The following PDE8B variants were observed in gnomAD, a reference collection of about 807,000 sequenced individuals.
PDE8B encodes phosphodiesterase 8B.
A neutral mutation model predicts 101.3 loss-of-function variants in PDE8B; 26 were observed. The ratio of observed to expected loss-of-function variants is 0.26; its 90% CI spans 0.19 to 0.36. The LOEUF is 0.36. PDE8B is among the 10% of genes least tolerant of loss of function. The pLI, the probability that PDE8B is intolerant of heterozygous loss-of-function variation, is 1.00. For missense variants in PDE8B, 810 were observed against 1,163.1 expected (o/e 0.70, Z 4.42); for synonymous variants, 424 against 429.3 (o/e 0.99, Z 0.15).
intron 18 of PDE8B, 101 bp downstream of exon 18, chr5:77,418,547 C>A: frequency 1.2e-6 from 1 of 818,664 alleles, no homozygotes; most frequent in South Asian, 1.4e-5. Context: ...ATTAGCTGTC[C>A]CACTGTACCA....
the PDE8B span, among the ~76,000 whole-genome samples, chr5:77,098,915 A>G: frequency 2.6e-5 from 4 of 152,224 alleles, no homozygotes; most frequent in Non-Finnish European, 5.9e-5. Flanking sequence ...ACCCACTCCC[A>G]CAATTAATCC....
chr5:77,265,921 G>C (rs1459679893), intron 1 of PDE8B, among the ~76,000 whole-genome samples: 1 of 152,134 alleles, frequency 6.6e-6, no homozygotes, highest in African/African-American at 2.4e-5. Context: ...ATCTTTTCTA[G>C]TGAGCAGGTG....
intron 5 of PDE8B, among the ~76,000 whole-genome samples, chr5:77,332,370 T>C (rs767685155): frequency 9.2e-5 from 14 of 152,198 alleles, no homozygotes; most frequent in Non-Finnish European, 1.9e-4. Context: ...CTTTTGCTGA[T>C]AATCTAAACG....
chr5:77,149,463 C>A, the PDE8B span, among the ~76,000 whole-genome samples: 1 of 152,102 alleles, frequency 6.6e-6, no homozygotes, highest in Non-Finnish European at 1.5e-5. Flanking sequence ...GGGGAATTGC[C>A]ATCTTGACAA....
chr5:77,348,806 C>A (rs35350477), intron 7 of PDE8B, among the ~76,000 whole-genome samples: 30,350 of 152,102 alleles, frequency 0.2, 3,497 homozygotes, highest in Middle Eastern at 0.33. Context: ...CCTCAGCCTC[C>A]TGAATAGCAG....
At chr5:77,102,961 G>T in the PDE8B span, among the ~76,000 whole-genome samples, 1 of 152,216 alleles carries the variant, frequency 6.6e-6, no homozygotes, top group Non-Finnish European at 1.5e-5. Context: ...AGCTTTCCAT[G>T]TGAAGAGGAG....
chr5:77,233,908 C>T (rs867528982), intron 1 of PDE8B, among the ~76,000 whole-genome samples: 2 of 151,500 alleles, frequency 1.3e-5, no homozygotes. Flanking sequence ...CTGGTGTTTA[C>T]GGCCCAAATC....
chr5:77,091,727 T>C, the PDE8B span, among the ~76,000 whole-genome samples: 1 of 152,230 alleles, frequency 6.6e-6, no homozygotes, highest in African/African-American at 2.4e-5. Context: ...CTAATTCATG[T>C]TTCAATATTT....
the PDE8B span, chr5:77,142,285 G>T: frequency 6.6e-6 from 1 of 152,084 alleles, no homozygotes; most frequent in African/African-American, 2.4e-5. Context: ...TTGCATATTG[G>T]TTGCATTTCT....
At chr5:77,176,267 G>T in the PDE8B span, among the ~76,000 whole-genome samples, 1 of 152,096 alleles carries the variant, frequency 6.6e-6, no homozygotes, top group African/African-American at 2.4e-5. Context: ...GGTGAAGTTG[G>T]TTTTGTTGCC....
chr5:77,403,339 C>G (rs1406263691), intron 11 of PDE8B, among the ~76,000 whole-genome samples: 1 of 152,126 alleles, frequency 6.6e-6, no homozygotes, highest in Non-Finnish European at 1.5e-5. Flanking sequence ...TTGGGGGAAT[C>G]TAAAACTGTT....
chr5:77,107,461 G>C, the PDE8B span, among the ~76,000 whole-genome samples: 1 of 152,088 alleles, frequency 6.6e-6, no homozygotes, highest in East Asian at 1.9e-4. Flanking sequence ...AATGTTATGT[G>C]TGAAAAAGAT....
chr5:77,282,932 G>A (rs1229785951), intron 1 of PDE8B, among the ~76,000 whole-genome samples: 1 of 151,940 alleles, frequency 6.6e-6, no homozygotes, highest in East Asian at 2.0e-4. Context: ...TGACCTCGGG[G>A]AGCACTCCCT....
intron 19 of PDE8B, among the ~76,000 whole-genome samples, chr5:77,421,553 G>C (rs1796636792): frequency 6.6e-6 from 1 of 152,078 alleles, no homozygotes; most frequent in Admixed American, 6.6e-5. Context: ...GGATGTGAGG[G>C]GTAGACAGGT....
At chr5:77,160,800 G>A in the PDE8B span, among the ~76,000 whole-genome samples, 1 of 151,884 alleles carries the variant, frequency 6.6e-6, no homozygotes, top group African/African-American at 2.4e-5. Context: ...ACAGAAGTGG[G>A]CCACCATGCC....
the PDE8B span, among the ~76,000 whole-genome samples, chr5:77,110,234 C>A: frequency 6.6e-6 from 1 of 151,958 alleles, no homozygotes. Context: ...CCACCGTGTC[C>A]GGCCTCACAA....
At chr5:77,192,788 C>T in the PDE8B span, among the ~76,000 whole-genome samples, 55,562 of 152,036 alleles carry the variant, frequency 0.37, 10,503 homozygotes, top group African/African-American at 0.41. Flanking sequence ...TAGTAATTTA[C>T]ATTCCCATCA....
Position 77,211,239 on chromosome 5 carries a change from C to T in PDE8B, c.314C>T (p.Thr105Ile), listed in dbSNP as rs1470079212. The part of the protein sequence containing the change: ...RHCCSSAEAE[T>I]QTCYTSVKQV... The stretch of plus-strand genomic sequence containing the variant: ...TGCTGCAGCAGCGCCGAGGCCGAGA[C>T]TCAGACCTGCTACACCAGCGTGAAG... The change falls in exon 1 of 22, where the codon ACT (threonine) becomes ATT (isoleucine). Residue 105 changes from threonine to isoleucine, a missense_variant. Around this residue, in one of 4 missense-constraint regions of PDE8B, gnomAD observed 251 missense variants for 378.8 expected, o/e 0.66. Transcript: ENST00000264917. This position sits in a 1 kb window ranked among gnomAD's most constrained non-coding sequence, Gnocchi z 4.1. The T allele has an allele frequency of 6.3e-7, 1 of 1,576,226 alleles. No individual in the cohort carries two copies. The highest frequency in any genetic ancestry group is 1.7e-5 in the Admixed American group (1 of 57,772).
At position 77,408,406 on chromosome 5, in the gene PDE8B, A is replaced by G. The variant is rs530194077; in HGVS notation, c.1366-487A>G. On this transcript the variant is annotated intron_variant, in intron 13 of 21. Transcript: ENST00000264917. Reference sequence around the variant, plus strand: ...TGTTGTGTGTGTTTATGTGATTTCTATGGAGAGAGGGGAACAAGACTGCAG... The same window carrying G: ...TGTTGTGTGTGTTTATGTGATTTCTGTGGAGAGAGGGGAACAAGACTGCAG... Among the ~76,000 whole-genome samples the G allele has an allele frequency of 7.9e-5, 12 of 152,248 alleles. No individual in the cohort carries two copies. The East Asian group carries it at 1.7e-3, about 22-fold the overall frequency.
Sources: gnomAD v4.1 joint callset for allele counts (sites outside exome capture counted in the v4.1 genomes callset) on GRCh38, gnomAD v4.1.1 for gene constraint, gnomAD v4.1.1 regional missense constraint, Gnocchi (gnomAD v3.1) non-coding constraint, MANE v1.5 for transcripts, NCBI Gene and HGNC (gene_info 2026-07-23, HGNC 2026-07-21) for gene names.